Variants in FHOD3 observed in about 807,000 individuals in gnomAD.
The protein encoded by FHOD3 is formin homology 2 domain containing 3, also known as FH1/FH2 domain-containing protein 3.
In FHOD3, 90 loss-of-function variants were observed where a neutral mutation model predicts 173.0. That is an observed-to-expected ratio of 0.52 (90% CI 0.44 to 0.62). The LOEUF is 0.62. FHOD3 is among the 20% of genes least tolerant of loss of function. The probability of loss-of-function intolerance (pLI) is 0.00; values close to 1 mark genes in which losing one functional copy is unlikely to be tolerated. For synonymous variants in FHOD3, 828 were observed against 823.0 expected, an observed-to-expected ratio of 1.01 and a Z score of -0.10; for missense variants, 1,945 against 2,034.7, an observed-to-expected ratio of 0.96 and a Z score of 0.85.
intron 13 of FHOD3, among the ~76,000 whole-genome samples, chr18:36,654,327 C>T (rs1041720243): frequency 1.3e-5 from 2 of 152,166 alleles, no homozygotes; most frequent in South Asian, 2.1e-4. Context: ...GATCTATGAT[C>T]GTTAACAATT....
chr18:36,457,474 TG>T (rs1239506008), intron 3 of FHOD3, among the ~76,000 whole-genome samples: 2 of 152,110 alleles, frequency 1.3e-5, no homozygotes, highest in African/African-American at 4.8e-5. Context: ...ATCTGACTTT[TG>T]CAAAAATTTT....
At chr18:36,743,362 C>T (rs1238117421) in intron 22 of FHOD3, among the ~76,000 whole-genome samples, 1 of 141,192 alleles carries the variant, frequency 7.1e-6, no homozygotes, top group South Asian at 2.5e-4. Flanking sequence ...TTATTTCAAT[C>T]TGTGTCTTGC....
At chr18:36,312,645 AC>A (rs1568107982) in intron 1 of FHOD3, among the ~76,000 whole-genome samples, 1 of 152,176 alleles carries the variant, frequency 6.6e-6, no homozygotes, top group Non-Finnish European at 1.5e-5. Context: ...CTTGGAGTCT[AC>A]CTGCTTCTCC....
At chr18:36,399,538 T>C (rs994744102) in intron 3 of FHOD3, among the ~76,000 whole-genome samples, 15 of 152,154 alleles carry the variant, frequency 9.9e-5, no homozygotes, top group Non-Finnish European at 1.5e-5. Flanking sequence ...AGAGCTCCAC[T>C]CTTATCTTGG....
intron 15 of FHOD3, among the ~76,000 whole-genome samples, chr18:36,685,713 A>G (rs2038565527): frequency 6.6e-6 from 1 of 152,228 alleles, no homozygotes; most frequent in African/African-American, 2.4e-5. Flanking sequence ...ACACCAAGAA[A>G]TAGAATATTT....
intron 4 of FHOD3, among the ~76,000 whole-genome samples, chr18:36,511,413 T>G (rs1207194393): frequency 6.6e-6 from 1 of 151,872 alleles, no homozygotes; most frequent in Non-Finnish European, 1.5e-5. Flanking sequence ...TGTCTTTATC[T>G]GTAAAGAAAA....
intron 4 of FHOD3, among the ~76,000 whole-genome samples, chr18:36,509,300 G>T (rs143373223): frequency 9.2e-5 from 14 of 152,032 alleles, no homozygotes; most frequent in Non-Finnish European, 1.6e-4. Flanking sequence ...GGTGGCGGGC[G>T]CCTGTAGTCC....
intron 5 of FHOD3, among the ~76,000 whole-genome samples, chr18:36,562,899 C>T (rs1187724883): frequency 6.6e-6 from 1 of 152,110 alleles, no homozygotes; most frequent in Admixed American, 6.5e-5. Flanking sequence ...TGAGGAGGGG[C>T]AGTGGTTTAA....
At chr18:36,565,078 G>T (rs1025096410) in intron 5 of FHOD3, among the ~76,000 whole-genome samples, 1 of 152,130 alleles carries the variant, frequency 6.6e-6, no homozygotes, top group African/African-American at 2.4e-5. Flanking sequence ...GGGAAAACTG[G>T]ACCGGAGCTT....
intron 9 of FHOD3, among the ~76,000 whole-genome samples, chr18:36,614,008 A>G (rs1599876366): frequency 2.0e-5 from 3 of 152,068 alleles, no homozygotes; most frequent in Non-Finnish European, 2.9e-5. Context: ...CCCTCCACCC[A>G]TCCTTCACAT....
At chr18:36,411,193 C>T (rs2049335988) in intron 3 of FHOD3, among the ~76,000 whole-genome samples, 1 of 152,022 alleles carries the variant, frequency 6.6e-6, no homozygotes, top group Non-Finnish European at 1.5e-5. Flanking sequence ...AGGTAGGGGT[C>T]CAATTTAATT....
chr18:36,395,848 T>C (rs1568216853), intron 3 of FHOD3, among the ~76,000 whole-genome samples: 1 of 152,204 alleles, frequency 6.6e-6, no homozygotes, highest in Non-Finnish European at 1.5e-5. Context: ...AATTAAAAAT[T>C]TCTGTTTCAA....
At chr18:36,371,404 C>T (rs2047180374) in intron 2 of FHOD3, among the ~76,000 whole-genome samples, 1 of 152,188 alleles carries the variant, frequency 6.6e-6, no homozygotes, top group South Asian at 2.1e-4. Flanking sequence ...AGAGCAAAGG[C>T]ACATCTTACA....
At chr18:36,461,330 C>G (rs73421037) in intron 3 of FHOD3, among the ~76,000 whole-genome samples, 22,832 of 152,094 alleles carry the variant, frequency 0.15, 3,904 homozygotes, top group African/African-American at 0.42. Flanking sequence ...CACCTGAAGA[C>G]TGAAAGGATT....
At chr18:36,416,538 A>C (rs984008055) in intron 3 of FHOD3, among the ~76,000 whole-genome samples, 3 of 152,214 alleles carry the variant, frequency 2.0e-5, no homozygotes, top group African/African-American at 7.2e-5. Flanking sequence ...TTGGGTCAAT[A>C]GCACTTACTT....
intron 18 of FHOD3, among the ~76,000 whole-genome samples, chr18:36,712,926 C>T (rs769592174): frequency 7.9e-5 from 12 of 151,898 alleles, no homozygotes; most frequent in African/African-American, 1.7e-4. Context: ...CAGCACATTG[C>T]TCATCTGAAA....
chr18:36,400,754 G>A (rs2048766889), intron 3 of FHOD3, among the ~76,000 whole-genome samples: 1 of 152,182 alleles, frequency 6.6e-6, no homozygotes, highest in Non-Finnish European at 1.5e-5. Context: ...CTAACCAAAG[G>A]CAACCAGGAA....
chr18:36,403,485 G>A (rs988123483), intron 3 of FHOD3, among the ~76,000 whole-genome samples: 8 of 152,060 alleles, frequency 5.3e-5, no homozygotes, highest in East Asian at 1.9e-4. Context: ...CCTGTGTGCC[G>A]GGGTTACTTG....
intron 1 of FHOD3, among the ~76,000 whole-genome samples, chr18:36,329,625 T>TG (rs1259266644): frequency 1.3e-5 from 2 of 152,086 alleles, no homozygotes; most frequent in Non-Finnish European, 2.9e-5. Context: ...AGGATGTGAC[T>TG]GGGGGATGCA....
Sources: allele counts gnomAD v4.1 joint callset (sites outside exome capture counted in the v4.1 genomes callset), GRCh38; gene constraint gnomAD v4.1.1; transcripts MANE v1.5; gene names NCBI Gene and HGNC (gene_info 2026-07-23, HGNC 2026-07-21).